CHD8: variants seen among roughly 807,000 people sequenced by gnomAD.
CHD8 encodes chromodomain helicase DNA binding protein 8.
CHD8 carries 31 observed loss-of-function variants against 279.2 expected under a neutral mutation model. The ratio of observed to expected loss-of-function variants is 0.11; its 90% CI spans 0.08 to 0.15. CHD8 has a LOEUF of 0.15. Among genes scored for constraint, CHD8 ranks in the 10% least tolerant of loss-of-function variants. CHD8 has a pLI of 1.00. For synonymous variants in CHD8, 1,081 were observed against 1,139.6 expected (o/e 0.95, Z 1.04); for missense variants, 2,146 against 3,230.5 (o/e 0.66, Z 8.14).
At chr14:21,439,136 A>C (rs1255964098) in intron 1 of CHD8, among the ~76,000 whole-genome samples, 1 of 152,156 alleles carries the variant, frequency 6.6e-6, no homozygotes, top group African/African-American at 2.4e-5. Flanking sequence ...CAAAAAAGAA[A>C]AAAAAAGGGC....
intron 1 of CHD8, among the ~76,000 whole-genome samples, chr14:21,446,317 C>CTTT (rs71112587): frequency 1.7e-4 from 23 of 137,520 alleles, no homozygotes; most frequent in East Asian, 4.2e-4. Flanking sequence ...TCTTCTTCTT[C>CTTT]TTTTTTTTTT....
rs1056499336 is a variant in CHD8, at chr14:21,400,954, G to A, written c.4291C>T (p.Arg1431Cys). ...TGATGACGGTCATGTCTGCGGGAGC[G>A]TGGCCGCTCATCATCCTCACTTTCC... is the stretch of plus-strand genomic sequence containing the variant. ...DLESEDDERP[R>C]SRRHDRHHAY... is the part of the protein sequence containing the mutation. The change falls in exon 22 of 38, where the codon CGC becomes TGC. Residue 1431 changes from arginine to cysteine, a missense_variant. Coordinates refer to ENST00000646647, the MANE Select transcript of CHD8 (RefSeq NM_001170629.2). This position sits in a 1 kb window ranked among gnomAD's most constrained non-coding sequence, Gnocchi z 4.2. 2 of 1,613,972 alleles carry A rather than the reference G, an allele frequency of 1.2e-6. No individual in the cohort carries two copies. Among genetic ancestry groups the A allele is most frequent in the East Asian group, 2.2e-5 (1 of 44,888 alleles).
intron 5 of CHD8, among the ~76,000 whole-genome samples, chr14:21,422,462 T>C (rs1889087441): frequency 6.6e-6 from 1 of 152,118 alleles, no homozygotes; most frequent in African/African-American, 2.4e-5. Context: ...GTATTTTGTA[T>C]TATTAAAAAT....
At chr14:21,445,998 C>CA (rs1319177064) in intron 1 of CHD8, among the ~76,000 whole-genome samples, 5 of 150,944 alleles carry the variant, frequency 3.3e-5, no homozygotes, top group African/African-American at 9.7e-5. Context: ...GACTCCGTCT[C>CA]AAAAAAAAGA....
rs778747213 is a variant in CHD8, at chr14:21,400,220, C to T, written c.4658G>A (p.Arg1553Gln). 1.7e-5 allele frequency: 27 copies of T among 1,613,880 alleles called. No homozygotes were observed. Among genetic ancestry groups the T allele is most frequent in the Non-Finnish European group, 2.0e-5 (24 of 1,179,890 alleles). The change falls in exon 24 of 38, where the codon CGG becomes CAG. Residue 1553 changes from arginine to glutamine, a missense_variant. Physicochemically the swap from Arg to Gln is conservative, Grantham distance 43. This residue lies in a region of CHD8 where 73 missense variants were observed against 153.2 expected (regional missense o/e 0.48). Coordinates refer to ENST00000646647, the MANE Select transcript of CHD8 (RefSeq NM_001170629.2). This position sits in a 1 kb window ranked among gnomAD's most constrained non-coding sequence, Gnocchi z 4.2. ...GAACAAAGTGTCAGGGTTATATTTC[C>T]GGATCCAATCTGCCTTATGGATATC... ...TFDIHKADWI[R>Q]KYNPDTLFQD...
At chr14:21,453,399 G>C (rs1030232339) in intron 1 of CHD8, among the ~76,000 whole-genome samples, 6 of 151,896 alleles carry the variant, frequency 4.0e-5, no homozygotes, top group Non-Finnish European at 8.8e-5. Context: ...ATCACAGGAA[G>C]ATGAAAAGAT....
chr14:21,450,279 C>T (rs1890225891), intron 1 of CHD8, among the ~76,000 whole-genome samples: 1 of 152,148 alleles, frequency 6.6e-6, no homozygotes, highest in Non-Finnish European at 1.5e-5. Flanking sequence ...AGCAGCCAAA[C>T]TATAGAAATC....
At chr14:21,406,799 G>A (rs771869350) in intron 14 of CHD8, 57 bp downstream of exon 14, 10 of 1,459,036 alleles carry the variant, frequency 6.9e-6, no homozygotes, top group South Asian at 5.2e-5. Flanking sequence ...TTTTAATACC[G>A]CAAGGAATTA....
chr14:21,401,920 CTG>C (rs1888056987), intron 20 of CHD8, 35 bp downstream of exon 20: 2 of 1,544,268 alleles, frequency 1.3e-6, no homozygotes, highest in African/African-American at 2.8e-5. Context: ...ATTCCGGTCT[CTG>C]TGTTTTTCTA....
At chr14:21,420,526 G>C (rs2139513061) in intron 5 of CHD8, among the ~76,000 whole-genome samples, 2 of 152,236 alleles carry the variant, frequency 1.3e-5, no homozygotes, top group South Asian at 4.1e-4. Flanking sequence ...GTGTATGTCT[G>C]AAAATTTTCC....
At chr14:21,391,142 T>G in intron 36 of CHD8, 79 bp from the exon 37 acceptor site, 1 of 969,344 alleles carries the variant, frequency 1.0e-6, no homozygotes, top group South Asian at 1.4e-5. Flanking sequence ...GTGTCTTTTG[T>G]TTGATAATAA....
intron 36 of CHD8, 89 bp downstream of exon 36, chr14:21,391,374 T>TGACA: frequency 8.1e-7 from 1 of 1,235,274 alleles, no homozygotes; most frequent in Non-Finnish European, 1.1e-6. Flanking sequence ...ACAGAAACGA[T>TGACA]GATACAGTAT....
At chr14:21,445,638 A>G (rs1890094800) in intron 1 of CHD8, among the ~76,000 whole-genome samples, 1 of 146,690 alleles carries the variant, frequency 6.8e-6, no homozygotes, top group South Asian at 2.2e-4. Flanking sequence ...GCAGTGAGGC[A>G]AAATCGTGCC....
At chr14:21,433,011 A>C (rs1320344535) in intron 1 of CHD8, among the ~76,000 whole-genome samples, 2 of 152,166 alleles carry the variant, frequency 1.3e-5, no homozygotes, top group Non-Finnish European at 2.9e-5. Flanking sequence ...TACACCCTCC[A>C]CAACTCTGTA....
intron 10 of CHD8, 125 bp from the exon 11 acceptor site, chr14:21,410,113 C>G (rs1888424757): frequency 5.8e-6 from 5 of 859,556 alleles, no homozygotes. Context: ...TTGAAAAAGT[C>G]AGGCCAAACA....
rs1888422001 is a variant in CHD8, at chr14:21,410,078, A to G, written c.2227-90T>C. ...AAAAATTTGATTGTAAAATCAGATC[A>G]CAAAGTATCAGTACCTAGAAGCCGT... On this transcript the variant is annotated intron_variant, in intron 10 of 37. Coordinates refer to ENST00000646647, the MANE Select transcript of CHD8 (RefSeq NM_001170629.2). The G allele has an allele frequency of 4.6e-6, 6 of 1,300,066 alleles. No individual in the cohort carries two copies. The South Asian group carries it at 9.8e-5, about 21-fold the overall frequency. 80.5% of individuals were successfully genotyped at this position (1,300,066 alleles called of 1,614,324 possible).
intron 1 of CHD8, among the ~76,000 whole-genome samples, chr14:21,443,810 C>T (rs982449503): frequency 4.2e-5 from 6 of 143,492 alleles, no homozygotes; most frequent in Non-Finnish European, 6.0e-5. Flanking sequence ...GAGCTGAGAT[C>T]GCGCCACTGC....
At chr14:21,438,815 G>A (rs1022671580) in intron 1 of CHD8, among the ~76,000 whole-genome samples, 22 of 146,942 alleles carry the variant, frequency 1.5e-4, no homozygotes, top group African/African-American at 5.6e-4. Flanking sequence ...GTGACACAGC[G>A]AGACTCTGTC....
chr14:21,399,939 ATAAGG>A, intron 25 of CHD8, 37 bp downstream of exon 25: 1 of 1,490,522 alleles, frequency 6.7e-7, no homozygotes, highest in Non-Finnish European at 9.4e-7. Context: ...CTTCCCTCAA[ATAAGG>A]TAGGGCATAA....
Sources: allele counts gnomAD v4.1 joint callset (sites outside exome capture counted in the v4.1 genomes callset), GRCh38; gene constraint gnomAD v4.1.1; regional missense constraint gnomAD v4.1.1; non-coding constraint Gnocchi (gnomAD v3.1); transcripts MANE v1.5; gene names NCBI Gene and HGNC (gene_info 2026-07-23, HGNC 2026-07-21).